CCDC91: variants seen among roughly 807,000 people sequenced by gnomAD.
The protein encoded by CCDC91 is coiled-coil domain containing 91.
Under a neutral mutation model 63.2 loss-of-function variants are expected in CCDC91, and 48 were observed. The ratio of observed to expected loss-of-function variants is 0.76; its 90% CI spans 0.60 to 0.97. CCDC91 has a LOEUF of 0.97. CCDC91 is among the 50% of genes least tolerant of loss of function. The probability of loss-of-function intolerance (pLI) is 0.00; values close to 1 mark genes in which losing one functional copy is unlikely to be tolerated. For synonymous variants in CCDC91, 167 were observed against 165.8 expected (o/e 1.01, Z -0.06); for missense variants, 500 against 494.6 (o/e 1.01, Z -0.10).
At chr12:28,452,263 AT>A (rs1327159758) in intron 10 of CCDC91, among the ~76,000 whole-genome samples, 1 of 151,608 alleles carries the variant, frequency 6.6e-6, no homozygotes, top group Non-Finnish European at 1.5e-5. Flanking sequence ...TTCTTTGAAG[AT>A]TAGAAATGCC....
At chr12:28,347,461 G>A (rs1395884657) in intron 6 of CCDC91, among the ~76,000 whole-genome samples, 3 of 152,184 alleles carry the variant, frequency 2.0e-5, no homozygotes, top group Admixed American at 2.0e-4. Flanking sequence ...GGTCTGGATT[G>A]CAGGGAGCAG....
chr12:28,540,250 A>AT (rs1158447911), intron 12 of CCDC91, among the ~76,000 whole-genome samples: 19 of 152,080 alleles, frequency 1.2e-4, no homozygotes, highest in African/African-American at 4.3e-4. Context: ...TAAGGCAAGG[A>AT]TTTTTTATAT....
intron 1 of CCDC91, among the ~76,000 whole-genome samples, chr12:28,207,647 A>C (rs1942949150): frequency 6.6e-6 from 1 of 152,180 alleles, no homozygotes; most frequent in Non-Finnish European, 1.5e-5. Flanking sequence ...TGAAGCTTTG[A>C]TTGTCTTCTG....
intron 1 of CCDC91, among the ~76,000 whole-genome samples, chr12:28,198,433 T>G (rs908091455): frequency 4.6e-5 from 7 of 152,192 alleles, no homozygotes; most frequent in Non-Finnish European, 7.4e-5. Context: ...ATCATTTTAA[T>G]TACGAATTTT....
At chr12:28,351,485 T>C (rs1943174698) in intron 6 of CCDC91, among the ~76,000 whole-genome samples, 1 of 152,220 alleles carries the variant, frequency 6.6e-6, no homozygotes, top group Admixed American at 6.5e-5. Flanking sequence ...AGTTTGATTA[T>C]TGTCTGGGCC....
At chr12:28,378,009 C>G (rs1164191359) in intron 7 of CCDC91, among the ~76,000 whole-genome samples, 2 of 151,986 alleles carry the variant, frequency 1.3e-5, no homozygotes, top group Non-Finnish European at 2.9e-5. Flanking sequence ...TGATATTTTT[C>G]TCTTCCTCTT....
At chr12:28,422,856 A>T (rs550179931) in intron 8 of CCDC91, among the ~76,000 whole-genome samples, 3 of 152,138 alleles carry the variant, frequency 2.0e-5, no homozygotes, top group Non-Finnish European at 4.4e-5. Context: ...CGTCCTACTC[A>T]TTGGTTGGGA....
intron 6 of CCDC91, among the ~76,000 whole-genome samples, chr12:28,352,814 AG>A (rs1943270128): frequency 2.0e-5 from 3 of 152,168 alleles, no homozygotes; most frequent in Admixed American, 2.0e-4. Flanking sequence ...ATAATGCTTA[AG>A]GGCCCTGGAT....
At chr12:28,414,687 A>G (rs140899014) in intron 8 of CCDC91, among the ~76,000 whole-genome samples, 58 of 152,302 alleles carry the variant, frequency 3.8e-4, no homozygotes, top group African/African-American at 1.4e-3. Context: ...ATGTTTTAAA[A>G]TATTCCTTGT....
chr12:28,270,974 C>T (rs946981188), intron 3 of CCDC91, among the ~76,000 whole-genome samples: 3 of 151,932 alleles, frequency 2.0e-5, no homozygotes, highest in Non-Finnish European at 4.4e-5. Flanking sequence ...TAAGGTACAC[C>T]GAAATTAAAT....
At chr12:28,514,292 C>T (rs997751522) in intron 12 of CCDC91, among the ~76,000 whole-genome samples, 23 of 151,888 alleles carry the variant, frequency 1.5e-4, no homozygotes, top group Non-Finnish European at 3.1e-4. Context: ...GTTCTTTGCA[C>T]ATTTTTTAAT....
At chr12:28,518,308 A>AT (rs930032746) in intron 12 of CCDC91, among the ~76,000 whole-genome samples, 4 of 151,706 alleles carry the variant, frequency 2.6e-5, no homozygotes, top group African/African-American at 9.7e-5. Context: ...TTTTTTTTAA[A>AT]TTTCTTATGG....
intron 3 of CCDC91, among the ~76,000 whole-genome samples, chr12:28,267,803 T>TA (rs1947341909): frequency 1.5e-4 from 4 of 26,602 alleles, no homozygotes; most frequent in Non-Finnish European, 2.4e-4. Context: ...TATAATTATA[T>TA]AGTAATATAT....
In CCDC91 at chr12:28,535,388, C is replaced by T. The variant is rs1473745684; in HGVS notation, c.1216-13675C>T. Among the ~76,000 whole-genome samples, 3 of 152,222 alleles carry T rather than the reference C, an allele frequency of 2.0e-5. No individual in the cohort carries two copies. The East Asian group carries it at 5.8e-4, about 29-fold the overall frequency. ...CACAGATTATTTTTATTACTTGATC[C>T]TTCCATTCCCTTGCACAACGCCATT... is the stretch of plus-strand genomic sequence containing the variant. On this transcript the variant is annotated intron_variant, in intron 12 of 12. Coordinates refer to ENST00000536442, the MANE Select transcript of CCDC91 (RefSeq NM_018318.5).
chr12:28,223,166 A>G (rs1944057755), intron 1 of CCDC91, among the ~76,000 whole-genome samples: 1 of 152,164 alleles, frequency 6.6e-6, no homozygotes. Context: ...CTGTGTTTGC[A>G]CATAAAGGTG....
chr12:28,482,160 A>C (rs571711510), intron 11 of CCDC91, among the ~76,000 whole-genome samples: 1 of 151,960 alleles, frequency 6.6e-6, no homozygotes, highest in East Asian at 1.9e-4. Flanking sequence ...TTAACATGTT[A>C]TATTTCAGAG....
chr12:28,496,472 A>T (rs1034927218), intron 12 of CCDC91, among the ~76,000 whole-genome samples: 3 of 151,614 alleles, frequency 2.0e-5, no homozygotes, highest in Non-Finnish European at 4.4e-5. Flanking sequence ...ATCATACCTC[A>T]TAAGGCTGGA....
chr12:28,289,878 G>C (rs1023247326), intron 3 of CCDC91, among the ~76,000 whole-genome samples: 1 of 151,618 alleles, frequency 6.6e-6, no homozygotes, highest in Admixed American at 6.6e-5. Context: ...TTTTTTATTA[G>C]AGACAGGGTT....
chr12:28,422,828 G>A (rs775865396), intron 8 of CCDC91, among the ~76,000 whole-genome samples: 1 of 152,054 alleles, frequency 6.6e-6, no homozygotes, highest in South Asian at 2.1e-4. Context: ...TTCACATTAC[G>A]AAAACCAGGG....
Sources: allele counts gnomAD v4.1 joint callset (sites outside exome capture counted in the v4.1 genomes callset), GRCh38; gene constraint gnomAD v4.1.1; transcripts MANE v1.5; gene names NCBI Gene and HGNC (gene_info 2026-07-23, HGNC 2026-07-21).